Variants in CSTF3 observed in about 807,000 individuals in gnomAD.
CSTF3 encodes CF-1 77 kDa subunit.
In CSTF3, 29 loss-of-function variants were observed where a neutral mutation model predicts 105.8. The observed-to-expected ratio is 0.27, with a 90% CI of 0.20 to 0.37. The LOEUF (loss-of-function observed/expected upper bound fraction) is 0.37. Ranked by LOEUF, CSTF3 falls within the 10% of genes least tolerant of loss-of-function variation. The pLI is 1.00. For synonymous variants in CSTF3, 252 were observed against 281.9 expected (o/e 0.89, Z 1.06); for missense variants, 357 against 879.3 (o/e 0.41, Z 7.51).
At chr11:33,114,660 G>A (rs1855413444) in intron 3 of CSTF3, among the ~76,000 whole-genome samples, 1 of 152,082 alleles carries the variant, frequency 6.6e-6, no homozygotes, top group South Asian at 2.1e-4. Context: ...AGACCAGCCT[G>A]GACAACATGG....
chr11:33,106,012 T>C lies in CSTF3; in HGVS notation c.409A>G (p.Ile137Val). 2.5e-6 allele frequency: 4 copies of C among 1,611,832 alleles called. No individual in the cohort carries two copies. The highest frequency in any genetic ancestry group is 3.4e-6 in the Non-Finnish European group (4 of 1,178,144). The stretch of plus-strand genomic sequence containing the variant: ...TTTAACTCTACCTGATAGGACATAA[T>C]TTCCATTCCAATTTTATCCAGTGCA... ...DFALDKIGME[I>V]MSYQIWVDYI... is the part of the protein sequence containing the mutation. The change falls in exon 6 of 21, where the codon ATT becomes GTT. Residue 137 changes from isoleucine to valine, a missense_variant. By Grantham distance (29) the Ile-to-Val change is conservative. Coordinates refer to ENST00000323959, the MANE Select transcript of CSTF3 (RefSeq NM_001326.3).
intron 3 of CSTF3, among the ~76,000 whole-genome samples, chr11:33,136,724 GATATT>G (rs1565015815): frequency 6.6e-6 from 1 of 151,872 alleles, no homozygotes; most frequent in Non-Finnish European, 1.5e-5. Flanking sequence ...CTAGCTCTGT[GATATT>G]ATGAGGGGCT....
At chr11:33,095,055 C>T (rs552609788) in intron 15 of CSTF3, among the ~76,000 whole-genome samples, 30 of 152,254 alleles carry the variant, frequency 2.0e-4, no homozygotes, top group African/African-American at 5.5e-4. Flanking sequence ...CCTGCCACCA[C>T]GCCCAGCTAA....
intron 3 of CSTF3, among the ~76,000 whole-genome samples, chr11:33,128,854 CT>C (rs1855570741): frequency 6.6e-6 from 1 of 152,070 alleles, no homozygotes; most frequent in Non-Finnish European, 1.5e-5. Flanking sequence ...TCTCTCTTTC[CT>C]TTAAGGCCTC....
At chr11:33,143,740 C>T (rs1213450734) in intron 1 of CSTF3, among the ~76,000 whole-genome samples, 1 of 148,394 alleles carries the variant, frequency 6.7e-6, no homozygotes, top group Non-Finnish European at 1.5e-5. Context: ...CAAAGCCACA[C>T]AGCACTTTGG....
At chr11:33,156,822 A>AT (rs748453191) in intron 1 of CSTF3, 13 of 373,684 alleles carry the variant, frequency 3.5e-5, no homozygotes, top group South Asian at 8.1e-5. Context: ...TAAATAAATA[A>AT]TTTTTTTTAA....
intron 3 of CSTF3, among the ~76,000 whole-genome samples, chr11:33,124,052 CA>C (rs1215218196): frequency 2.0e-5 from 3 of 151,798 alleles, no homozygotes; most frequent in Non-Finnish European, 4.4e-5. Flanking sequence ...TTAAAATTTG[CA>C]AAAAATGTAC....
intron 16 of CSTF3, among the ~76,000 whole-genome samples, 163 bp downstream of exon 16, chr11:33,092,102 ATAATTT>A (rs765871237): frequency 3.9e-5 from 6 of 152,238 alleles, no homozygotes; most frequent in Non-Finnish European, 8.8e-5. Flanking sequence ...AAATTTAAAA[ATAATTT>A]TAAACAGGTA....
intron 10 of CSTF3, among the ~76,000 whole-genome samples, chr11:33,101,054 C>T (rs1855275978): frequency 6.6e-6 from 1 of 152,116 alleles, no homozygotes; most frequent in South Asian, 2.1e-4. Context: ...AGACTGAGCC[C>T]TTAAAAAGAC....
chr11:33,150,215 A>G, intron 1 of CSTF3, among the ~76,000 whole-genome samples: 1 of 82,652 alleles, frequency 1.2e-5, no homozygotes, highest in East Asian at 3.1e-4. Flanking sequence ...ACTCTGTCTC[A>G]AACTAAAAAA....
intron 15 of CSTF3, among the ~76,000 whole-genome samples, chr11:33,093,645 TA>T (rs1855190360): frequency 6.6e-6 from 1 of 152,202 alleles, no homozygotes; most frequent in Non-Finnish European, 1.5e-5. Context: ...TTTTTTGTAC[TA>T]AGTCTTTGAA....
chr11:33,097,329 T>TA (rs1590264407), intron 13 of CSTF3, among the ~76,000 whole-genome samples: 2 of 152,112 alleles, frequency 1.3e-5, no homozygotes, highest in East Asian at 1.9e-4. Context: ...TGTCAATATC[T>TA]AAAAAACTCA....
chr11:33,105,449 T>C (rs1855317604), intron 8 of CSTF3, 118 bp downstream of exon 8: 2 of 998,282 alleles, frequency 2.0e-6, no homozygotes, highest in South Asian at 1.8e-5. Flanking sequence ...AGTGCTTTCA[T>C]TACAATCAAT....
Position 33,133,110 on chromosome 11 carries a change from CT to C in CSTF3, c.225+8556del, listed in dbSNP as rs142508618. Among the ~76,000 whole-genome samples, 369 of 152,038 alleles carry C rather than the reference CT, an allele frequency of 2.4e-3. 1 individual carries two copies. Among genetic ancestry groups the C allele is most frequent in the African/African-American group, 8.4e-3 (347 of 41,482 alleles). ...TTTACTAACTATACTCACTAGTAAGCTTCTTAAATGAAAAAAATCATGGTAG... is the reference window on the plus strand; with the variant it reads ...TTTACTAACTATACTCACTAGTAAGCTCTTAAATGAAAAAAATCATGGTAG... On this transcript the variant is annotated intron_variant, in intron 3 of 20. Transcript: ENST00000323959.
intron 1 of CSTF3, among the ~76,000 whole-genome samples, chr11:33,150,081 G>A (rs935252787): frequency 1.3e-5 from 2 of 151,820 alleles, no homozygotes; most frequent in African/African-American, 4.8e-5. Flanking sequence ...GGGGCGTGGT[G>A]GCAGGCCCCT....
intron 1 of CSTF3, among the ~76,000 whole-genome samples, chr11:33,160,133 T>G (rs1849920862): frequency 6.6e-6 from 1 of 151,730 alleles, no homozygotes; most frequent in African/African-American, 2.4e-5. Flanking sequence ...TAAACAGTTT[T>G]GATACAGTAA....
At chr11:33,096,737 C>A in intron 14 of CSTF3, 98 bp downstream of exon 14, 1 of 1,182,940 alleles carries the variant, frequency 8.5e-7, no homozygotes, top group Admixed American at 2.5e-5. Flanking sequence ...CAAAATGGAG[C>A]AATAAAAGCT....
At chr11:33,088,939 C>T (rs1267944693) in intron 17 of CSTF3, among the ~76,000 whole-genome samples, 2 of 152,154 alleles carry the variant, frequency 1.3e-5, no homozygotes, top group Admixed American at 1.3e-4. Flanking sequence ...TAATTAACTG[C>T]CTTAATTTTC....
At chr11:33,152,699 G>A (rs1223793706) in intron 1 of CSTF3, among the ~76,000 whole-genome samples, 3 of 152,128 alleles carry the variant, frequency 2.0e-5, no homozygotes, top group Non-Finnish European at 2.9e-5. Flanking sequence ...GGTGACTCAC[G>A]CCTGTAATCT....
Sources: gnomAD v4.1 joint callset for allele counts (sites outside exome capture counted in the v4.1 genomes callset) on GRCh38, gnomAD v4.1.1 for gene constraint, MANE v1.5 for transcripts, NCBI Gene and HGNC (gene_info 2026-07-23, HGNC 2026-07-21) for gene names.